DIP2C: variants seen among roughly 807,000 people sequenced by gnomAD.
DIP2C encodes DIP2 acetate--CoA ligase C (putative), also known as disco-interacting protein 2 homolog C.
A neutral mutation model predicts 192.4 loss-of-function variants in DIP2C; 33 were observed. The ratio of observed to expected loss-of-function variants is 0.17; its 90% confidence interval spans 0.13 to 0.23. The LOEUF (loss-of-function observed/expected upper bound fraction) is 0.23, where lower values mean the gene tolerates loss of function less well. Among genes scored for constraint, DIP2C ranks in the 10% least tolerant of loss-of-function variants. The probability of loss-of-function intolerance (pLI) is 1.00; values close to 1 mark genes in which losing one functional copy is unlikely to be tolerated. For missense variants in DIP2C, 1,537 were observed against 2,110.1 expected (o/e 0.73, Z 5.32); for synonymous variants, 979 against 864.1 (o/e 1.13, Z -2.33).
intron 1 of DIP2C, among the ~76,000 whole-genome samples, chr10:631,571 T>TA (rs1202135514): frequency 6.6e-6 from 1 of 152,210 alleles, no homozygotes; most frequent in Non-Finnish European, 1.5e-5. Flanking sequence ...GTTTTTTTTT[T>TA]ACAAGACCAT....
intron 5 of DIP2C, among the ~76,000 whole-genome samples, chr10:422,332 G>A (rs537939640): frequency 6.6e-6 from 1 of 152,208 alleles, no homozygotes; most frequent in East Asian, 1.9e-4. Flanking sequence ...AACGTCATAG[G>A]GCAGTGATCC....
chr10:307,819 C>A (rs937563244), intron 32 of DIP2C, among the ~76,000 whole-genome samples: 7 of 151,126 alleles, frequency 4.6e-5, no homozygotes, highest in African/African-American at 1.7e-4. Context: ...TTCAGGGGTG[C>A]CTGGGCGGGG....
At chr10:543,921 T>C (rs1392835659) in intron 1 of DIP2C, among the ~76,000 whole-genome samples, 1 of 152,262 alleles carries the variant, frequency 6.6e-6, no homozygotes, top group Admixed American at 6.5e-5. Context: ...GCTGCTTCCT[T>C]CCGCCAGCCC....
At chr10:605,539 T>G (rs1588578360) in intron 1 of DIP2C, among the ~76,000 whole-genome samples, 1 of 152,228 alleles carries the variant, frequency 6.6e-6, no homozygotes, top group East Asian at 1.9e-4. Flanking sequence ...GCTCTCAGCT[T>G]AAGCCGAATC....
At chr10:321,541 G>GTGAGAGAC (rs1564551239) in intron 31 of DIP2C, among the ~76,000 whole-genome samples, 7 of 115,594 alleles carry the variant, frequency 6.1e-5, no homozygotes, top group Admixed American at 5.4e-4. Context: ...GGGGGCTCCA[G>GTGAGAGAC]CGAGAGACCG....
chr10:575,919 G>A (rs535601467), intron 1 of DIP2C, among the ~76,000 whole-genome samples: 93 of 152,298 alleles, frequency 6.1e-4, no homozygotes, highest in South Asian at 2.1e-3. Flanking sequence ...AGCTGAGCTC[G>A]CACTTTCAGG....
intron 26 of DIP2C, among the ~76,000 whole-genome samples, chr10:346,573 C>CCCGGGAACCCCACA (rs1403343637): frequency 7.1e-6 from 1 of 140,054 alleles, no homozygotes; most frequent in Non-Finnish European, 1.5e-5. Flanking sequence ...GCATAGTTCT[C>CCCGGGAACCCCACA]CTGGAAACCC....
intron 29 of DIP2C, among the ~76,000 whole-genome samples, chr10:336,920 GTT>G (rs1957806268): frequency 2.8e-5 from 2 of 71,384 alleles, no homozygotes; most frequent in Non-Finnish European, 8.5e-5. Context: ...GTGTGTGTGT[GTT>G]GTGGAGGCCT....
intron 1 of DIP2C, among the ~76,000 whole-genome samples, chr10:532,542 TGTGAGAGAGTATGGGTGA>T (rs1564824352): frequency 1.5e-5 from 2 of 134,184 alleles, no homozygotes; most frequent in African/African-American, 5.8e-5. Flanking sequence ...AGAGTATGGG[TGTGAGAGAGTATGGGTGA>T]GAGAGAGAGT....
intron 17 of DIP2C, among the ~76,000 whole-genome samples, chr10:374,784 G>A (rs958269908): frequency 6.6e-6 from 1 of 152,186 alleles, no homozygotes; most frequent in Admixed American, 6.5e-5. Flanking sequence ...GATGAGGTGA[G>A]GAAGGGAAGA....
chr10:400,155 C>T (rs892490005), intron 9 of DIP2C, among the ~76,000 whole-genome samples: 3 of 150,598 alleles, frequency 2.0e-5, no homozygotes, highest in Non-Finnish European at 3.0e-5. Context: ...AGTGATCCTC[C>T]TGCCTTACAG....
intron 6 of DIP2C, among the ~76,000 whole-genome samples, chr10:416,410 C>T (rs1286220567): frequency 6.6e-6 from 1 of 152,162 alleles, no homozygotes; most frequent in Non-Finnish European, 1.5e-5. Context: ...CAGCCCCGGG[C>T]TCAGGTTTCA....
chr10:524,880 T>G (rs1846956125), intron 1 of DIP2C, among the ~76,000 whole-genome samples: 1 of 148,038 alleles, frequency 6.8e-6, no homozygotes, highest in African/African-American at 2.5e-5. Flanking sequence ...CTCTCTATAC[T>G]CAAGAACAGG....
At position 327,018 on chromosome 10, in the gene DIP2C, C is replaced by A. The variant is rs760550085; in HGVS notation, c.3912G>T (p.Ala1304=). 5.6e-6 allele frequency: 9 copies of A among 1,612,822 alleles called. No homozygotes were observed. Among genetic ancestry groups the A allele is most frequent in the Non-Finnish European group, 7.6e-6 (9 of 1,179,480 alleles). ...CGCCGAATCTCACCTGCAAGCAAAT[C>A]GCCAGGTTCACCCTGCAACCGAACG... ...STSFGCRVNL[A]ICLQGTSGPD... Residue 1304 remains alanine, a synonymous_variant, in exon 31 of 37, where the codon GCG becomes GCT. Transcript: ENST00000280886.
At chr10:386,317 CTG>C (rs1381513288) in intron 14 of DIP2C, among the ~76,000 whole-genome samples, 2 of 152,348 alleles carry the variant, frequency 1.3e-5, no homozygotes, top group Non-Finnish European at 2.9e-5. Context: ...GACAGAAAAA[CTG>C]AGGTTTGGAT....
intron 24 of DIP2C, among the ~76,000 whole-genome samples, chr10:352,191 G>C (rs992206008): frequency 2.0e-5 from 3 of 152,270 alleles, no homozygotes; most frequent in Admixed American, 2.0e-4. Flanking sequence ...AGATGACAAA[G>C]CCTGTGGTTT....
intron 24 of DIP2C, among the ~76,000 whole-genome samples, chr10:352,904 T>C (rs1465276333): frequency 6.6e-6 from 1 of 152,104 alleles, no homozygotes; most frequent in Non-Finnish European, 1.5e-5. Flanking sequence ...CCAGGAGAAA[T>C]GCCAGTAACT....
intron 28 of DIP2C, among the ~76,000 whole-genome samples, chr10:343,503 A>G (rs1256763215): frequency 2.0e-5 from 3 of 152,190 alleles, no homozygotes; most frequent in Non-Finnish European, 4.4e-5. Flanking sequence ...TGCCTGGGAG[A>G]AGGTTTCGTA....
chr10:568,765 CAAAAAAAAAA>C (rs1206501677), intron 1 of DIP2C, among the ~76,000 whole-genome samples: 2,832 of 37,328 alleles, frequency 0.076, 19 homozygotes, highest in Admixed American at 0.14. Context: ...AACTCCGTCT[CAAAAAAAAAA>C]AAAAAAAAAA....
Sources: gnomAD v4.1 joint callset for allele counts (sites outside exome capture counted in the v4.1 genomes callset) on GRCh38, gnomAD v4.1.1 for gene constraint, MANE v1.5 for transcripts, NCBI Gene and HGNC (gene_info 2026-07-23, HGNC 2026-07-21) for gene names.